Variants in TAF4B observed in about 807,000 individuals in gnomAD.
TAF4B encodes the protein transcription initiation factor TFIID subunit 4B.
In TAF4B, 38 loss-of-function variants were observed where a neutral mutation model predicts 86.4. The observed-to-expected ratio is 0.44, with a 90% CI of 0.34 to 0.58. TAF4B has a LOEUF of 0.58. Ranked by LOEUF, TAF4B falls within the 20% of genes least tolerant of loss-of-function variation. The pLI is 0.02. For missense variants in TAF4B, 988 were observed against 1,027.6 expected (o/e 0.96, Z 0.53); for synonymous variants, 388 against 391.2 (o/e 0.99, Z 0.10).
chr18:26,274,888 C>T (rs1462611195), intron 4 of TAF4B, 43 bp from the exon 5 acceptor site: 5 of 1,612,538 alleles, frequency 3.1e-6, no homozygotes, highest in Admixed American at 1.7e-5. Flanking sequence ...ATTGTTTGCT[C>T]ACTAACACTT....
chr18:26,311,549 T>C (rs947091233), intron 9 of TAF4B, among the ~76,000 whole-genome samples: 1 of 152,058 alleles, frequency 6.6e-6, no homozygotes, highest in South Asian at 2.1e-4. Flanking sequence ...TGAACCCAGG[T>C]GGTGGAGGTT....
At chr18:26,246,381 A>G (rs1308130028) in intron 1 of TAF4B, among the ~76,000 whole-genome samples, 1 of 152,174 alleles carries the variant, frequency 6.6e-6, no homozygotes, top group Non-Finnish European at 1.5e-5. Flanking sequence ...TATGCCAATC[A>G]AGTTTGTAGA....
rs1224998301 is a variant in TAF4B at position 26,286,325 on chromosome 18, A to T, written c.1416A>T (p.Gly472=). The change falls in exon 7 of 15, where the codon GGA becomes GGT. Residue 472 remains glycine, a synonymous_variant. Coordinates refer to ENST00000269142, the MANE Select transcript of TAF4B (RefSeq NM_005640.3). The part of the protein sequence containing the change: ...VTLSLPAVTF[G]ETSGAAICLP... Reference sequence around the variant, plus strand: ...TGTCCCTTCCAGCAGTAACTTTTGGAGAAACTTCAGGTGCAGCTATTTGTC... The same window carrying T: ...TGTCCCTTCCAGCAGTAACTTTTGGTGAAACTTCAGGTGCAGCTATTTGTC... 3 of 1,614,208 alleles carry T rather than the reference A, an allele frequency of 1.9e-6. No individual in the cohort carries two copies. Among genetic ancestry groups the T allele is most frequent in the Non-Finnish European group, 2.5e-6 (3 of 1,180,038 alleles).
At chr18:26,255,777 C>G in intron 1 of TAF4B, 1 of 1,539,336 alleles carries the variant, frequency 6.5e-7, no homozygotes, top group Non-Finnish European at 9.0e-7. Flanking sequence ...ATTGCTGCAG[C>G]AAGGCTTGAA....
intron 13 of TAF4B, among the ~76,000 whole-genome samples, chr18:26,350,115 C>T (rs749656457): frequency 1.1e-4 from 16 of 151,962 alleles, no homozygotes; most frequent in Admixed American, 2.6e-4. Flanking sequence ...TAGAAGAAAA[C>T]GGAGGAAATG....
intron 3 of TAF4B, among the ~76,000 whole-genome samples, chr18:26,268,026 C>T (rs1183954716): frequency 1.3e-5 from 2 of 152,112 alleles, no homozygotes; most frequent in South Asian, 2.1e-4. Context: ...GATATATGGC[C>T]GGTCAGCATT....
intron 13 of TAF4B, among the ~76,000 whole-genome samples, chr18:26,356,682 GTATTAA>G (rs1333597176): frequency 6.6e-6 from 1 of 151,166 alleles, no homozygotes; most frequent in East Asian, 1.9e-4. Flanking sequence ...TCCCTCCATA[GTATTAA>G]TATTAATAAT....
intron 5 of TAF4B, among the ~76,000 whole-genome samples, chr18:26,275,802 G>C (rs2056376540): frequency 2.0e-5 from 3 of 151,932 alleles, no homozygotes; most frequent in Non-Finnish European, 4.4e-5. Context: ...GATCACCTGA[G>C]GTCAAGAGTT....
At chr18:26,316,672 A>G (rs2056915360) in intron 10 of TAF4B, among the ~76,000 whole-genome samples, 1 of 152,208 alleles carries the variant, frequency 6.6e-6, no homozygotes, top group African/African-American at 2.4e-5. Flanking sequence ...GGCGTGAGCC[A>G]CCGTGCCTGG....
In TAF4B at chr18:26,357,781, A is replaced by AATTTCT. The variant is rs759305215; in HGVS notation, c.2410_2411insTTCTAT (p.Glu803_Ser804insPheLeu). On this transcript the variant is annotated inframe_insertion, in exon 14 of 15. Coordinates refer to ENST00000269142, the MANE Select transcript of TAF4B (RefSeq NM_005640.3). ...GGACCAAGGAAGAAGAGACCACTAG[A>AATTTCT]ATCTGGAATTGAGGTATTGAAATAA... 8 of 1,607,192 alleles carry AATTTCT rather than the reference A, an allele frequency of 5.0e-6. No individual in the cohort carries two copies.
intron 3 of TAF4B, among the ~76,000 whole-genome samples, chr18:26,270,523 C>G (rs2056299477): frequency 1.3e-5 from 2 of 152,082 alleles, no homozygotes; most frequent in African/African-American, 2.4e-5. Flanking sequence ...CTCTGTTGCC[C>G]AGGCTGTTCT....
chr18:26,280,509 T>C (rs2056435184), intron 5 of TAF4B, among the ~76,000 whole-genome samples: 1 of 152,070 alleles, frequency 6.6e-6, no homozygotes, highest in Non-Finnish European at 1.5e-5. Context: ...TGAACAGACA[T>C]TTCTGAAAAG....
At chr18:26,297,413 T>C (rs187838646) in intron 9 of TAF4B, among the ~76,000 whole-genome samples, 330 of 152,332 alleles carry the variant, frequency 2.2e-3, no homozygotes, top group African/African-American at 5.9e-3. Flanking sequence ...TCAGCAGTTA[T>C]AGATTAAACT....
intron 1 of TAF4B, among the ~76,000 whole-genome samples, chr18:26,233,432 A>G (rs2055702574): frequency 6.6e-6 from 1 of 152,184 alleles, no homozygotes; most frequent in South Asian, 2.1e-4. Context: ...TTTGTTAAGC[A>G]GGGAGGAAGT....
At chr18:26,335,053 A>G (rs934758142) in intron 12 of TAF4B, 122 bp from the exon 13 acceptor site, 6 of 723,156 alleles carry the variant, frequency 8.3e-6, no homozygotes, top group African/African-American at 5.3e-5. Flanking sequence ...GGATTGAGGT[A>G]TTTTCCCCTG....
rs2057334409 is a variant in TAF4B, at chr18:26,361,815, CT to C, written c.2421+4022del. Among the ~76,000 whole-genome samples, 2 of 150,138 alleles carry C rather than the reference CT, an allele frequency of 1.3e-5. 1 individual carries two copies. The highest frequency in any genetic ancestry group is 4.2e-4 in the South Asian group (2 of 4,726). On this transcript the variant is annotated intron_variant, in intron 14 of 14. Transcript: ENST00000269142. The stretch of plus-strand genomic sequence containing the variant: ...GAATTTATCTTTCTGCTAGAAACAA[CT>C]CTACTGAGTTGTTCTAGTACAGGAC...
chr18:26,344,094 T>C lies in TAF4B; in HGVS notation c.2316+8863T>C, dbSNP rs192876217. 3.6e-4 allele frequency among the ~76,000 whole-genome samples: 55 copies of C among 152,250 alleles called. No homozygotes were observed. The South Asian group carries it at 6.8e-3, about 19-fold the overall frequency. On this transcript the variant is annotated intron_variant, in intron 13 of 14. Transcript: ENST00000269142. ...CTAGAAAATATAAAGAATAAAGTTATAAAATGGAAATTTAGGAACTGAAAA... is the reference window on the plus strand; with the variant it reads ...CTAGAAAATATAAAGAATAAAGTTACAAAATGGAAATTTAGGAACTGAAAA...
chr18:26,293,131 T>C (rs892303167), intron 8 of TAF4B, among the ~76,000 whole-genome samples: 1 of 152,178 alleles, frequency 6.6e-6, no homozygotes, highest in African/African-American at 2.4e-5. Flanking sequence ...TTTTAAAAAA[T>C]ACCAATATAA....
intron 1 of TAF4B, among the ~76,000 whole-genome samples, chr18:26,262,888 G>A (rs1403275341): frequency 2.6e-5 from 4 of 152,112 alleles, no homozygotes; most frequent in Non-Finnish European, 5.9e-5. Flanking sequence ...CATTCTGAAA[G>A]TGGAACTCCA....
Sources: allele counts gnomAD v4.1 joint callset (sites outside exome capture counted in the v4.1 genomes callset), GRCh38; gene constraint gnomAD v4.1.1; transcripts MANE v1.5; gene names NCBI Gene and HGNC (gene_info 2026-07-23, HGNC 2026-07-21).